The following PRKCE variants were observed in gnomAD, a reference collection of about 807,000 sequenced individuals.
The protein encoded by PRKCE is protein kinase C epsilon type.
A neutral mutation model predicts 85.4 loss-of-function variants in PRKCE; 16 were observed. The ratio of observed to expected loss-of-function variants is 0.19; its 90% CI spans 0.13 to 0.28. The LOEUF (loss-of-function observed/expected upper bound fraction) is 0.28. Ranked by LOEUF, PRKCE falls within the 10% of genes least tolerant of loss-of-function variation. PRKCE has a pLI of 1.00. For missense variants in PRKCE, 573 were observed against 975.2 expected (o/e 0.59, Z 5.49); for synonymous variants, 388 against 371.5 (o/e 1.04, Z -0.51).
At chr2:45,916,565 T>C (rs1172984326) in intron 2 of PRKCE, among the ~76,000 whole-genome samples, 1 of 152,234 alleles carries the variant, frequency 6.6e-6, no homozygotes, top group Non-Finnish European at 1.5e-5. Flanking sequence ...ATTTCTTATT[T>C]GGCAAAGTCT....
chr2:46,136,164 G>C (rs929461282), intron 11 of PRKCE, among the ~76,000 whole-genome samples: 13 of 152,084 alleles, frequency 8.5e-5, no homozygotes, highest in African/African-American at 3.1e-4. Context: ...TGTTATTTCT[G>C]CAGCACTCAG....
intron 2 of PRKCE, among the ~76,000 whole-genome samples, chr2:45,921,098 T>G (rs75750771): frequency 0.011 from 1,715 of 152,370 alleles, 22 homozygotes; most frequent in African/African-American, 0.039. Context: ...ATGAAATATT[T>G]TCACAAAATC....
rs554364672 is a variant in PRKCE at position 45,943,578 on chromosome 2, C to A, written c.413-32851C>A. Among the ~76,000 whole-genome samples, 4 of 152,374 alleles carry A rather than the reference C, an allele frequency of 2.6e-5. No individual in the cohort carries two copies. In the East Asian group the frequency reaches 7.7e-4, roughly 29 times the overall value. The stretch of plus-strand genomic sequence containing the variant: ...TGAGGTTACACATGCCAGAAACATG[C>A]CAGAATTCCTTCTTTCCAGAGCCTT... On this transcript the variant is annotated intron_variant, in intron 2 of 14. Coordinates refer to ENST00000306156, the MANE Select transcript of PRKCE (RefSeq NM_005400.3).
At chr2:45,952,113 A>G (rs1486463764) in intron 2 of PRKCE, among the ~76,000 whole-genome samples, 2 of 152,228 alleles carry the variant, frequency 1.3e-5, no homozygotes, top group African/African-American at 2.4e-5. Context: ...GATCACAGGC[A>G]TGAGCCACTG....
chr2:45,845,850 G>C (rs1173270026), intron 2 of PRKCE: 2 of 152,228 alleles, frequency 1.3e-5, no homozygotes, highest in Non-Finnish European at 2.9e-5. Flanking sequence ...GGTCAGGCTA[G>C]ATGACAGTTA....
intron 1 of PRKCE, among the ~76,000 whole-genome samples, chr2:45,690,132 T>C (rs13402273): frequency 0.025 from 3,749 of 152,340 alleles, 154 homozygotes; most frequent in African/African-American, 0.085. Flanking sequence ...TCTGCTTTCT[T>C]CTTCTGAAAG....
chr2:46,099,180 C>A (rs1299702717), intron 11 of PRKCE, among the ~76,000 whole-genome samples: 1 of 152,092 alleles, frequency 6.6e-6, no homozygotes, highest in Admixed American at 6.5e-5. Context: ...CAAGACATCC[C>A]CACTCTTCTG....
intron 5 of PRKCE, among the ~76,000 whole-genome samples, chr2:45,983,769 A>G (rs1558919498): frequency 6.6e-6 from 1 of 152,106 alleles, no homozygotes; most frequent in Middle Eastern, 3.4e-3. Flanking sequence ...ACCATTCTGT[A>G]TTAGCCATCT....
chr2:45,778,356 C>G (rs1685921255), intron 1 of PRKCE, among the ~76,000 whole-genome samples: 1 of 152,166 alleles, frequency 6.6e-6, no homozygotes, highest in South Asian at 2.1e-4. Context: ...GAGAACATGC[C>G]TGGCCGCTTA....
chr2:46,043,302 T>G (rs1429058557), intron 10 of PRKCE, among the ~76,000 whole-genome samples: 1 of 152,194 alleles, frequency 6.6e-6, no homozygotes, highest in Non-Finnish European at 1.5e-5. Flanking sequence ...TGAAATATGT[T>G]ATATAACTCA....
chr2:46,109,088 G>T (rs1672011575), intron 11 of PRKCE, among the ~76,000 whole-genome samples: 2 of 152,140 alleles, frequency 1.3e-5, no homozygotes, highest in Non-Finnish European at 2.9e-5. Context: ...ATGCTGTCTT[G>T]ATTACTATAG....
chr2:45,720,301 C>G (rs768301721), intron 1 of PRKCE, among the ~76,000 whole-genome samples: 1 of 152,084 alleles, frequency 6.6e-6, no homozygotes, highest in Non-Finnish European at 1.5e-5. Context: ...TCATTTCCAC[C>G]TATCGGTTGG....
At chr2:46,173,569 C>G (rs1679127928) in intron 14 of PRKCE, among the ~76,000 whole-genome samples, 1 of 152,230 alleles carries the variant, frequency 6.6e-6, no homozygotes, top group South Asian at 2.1e-4. Context: ...GGAGCAAGAG[C>G]CAGGAAGGGG....
intron 2 of PRKCE, among the ~76,000 whole-genome samples, chr2:45,937,936 G>T (rs1204817974): frequency 2.0e-5 from 3 of 152,188 alleles, no homozygotes; most frequent in African/African-American, 7.2e-5. Context: ...GCAGACTGCA[G>T]GTCTTGCTGG....
Position 46,137,866 on chromosome 2 carries a change from C to T in PRKCE, c.1593-7227C>T, listed in dbSNP as rs551954799. Among the ~76,000 whole-genome samples the T allele has an allele frequency of 2.0e-5, 3 of 152,228 alleles. 1 individual carries two copies. In the South Asian group the frequency reaches 6.2e-4, roughly 32 times the overall value. On this transcript the variant is annotated intron_variant, in intron 11 of 14. Transcript: ENST00000306156. ...AGCATATATCTTGATACGACATCTT[C>T]TTTGCATACCAGTTCTCCCTCAGTC...
intron 1 of PRKCE, among the ~76,000 whole-genome samples, chr2:45,771,865 G>T (rs2104920214): frequency 6.6e-6 from 1 of 152,222 alleles, no homozygotes; most frequent in Non-Finnish European, 1.5e-5. Context: ...GTTGGTTTGG[G>T]CAGGGATGGT....
intron 2 of PRKCE, among the ~76,000 whole-genome samples, chr2:45,849,534 T>G (rs955297395): frequency 6.6e-6 from 1 of 152,076 alleles, no homozygotes; most frequent in African/African-American, 2.4e-5. Flanking sequence ...ACTTGAGAGG[T>G]TAAGGAGAGC....
At chr2:45,869,168 TA>T (rs946172441) in intron 2 of PRKCE, among the ~76,000 whole-genome samples, 3 of 152,340 alleles carry the variant, frequency 2.0e-5, no homozygotes, top group African/African-American at 7.2e-5. Context: ...AAACAATCTG[TA>T]AAATATTTGG....
chr2:45,829,989 C>A (rs974752223), intron 1 of PRKCE, among the ~76,000 whole-genome samples: 1 of 144,766 alleles, frequency 6.9e-6, no homozygotes, highest in Non-Finnish European at 1.5e-5. Context: ...AGGAGAATGG[C>A]GTGAACCTGG....
Sources: allele counts gnomAD v4.1 joint callset (sites outside exome capture counted in the v4.1 genomes callset), GRCh38; gene constraint gnomAD v4.1.1; transcripts MANE v1.5; gene names NCBI Gene and HGNC (gene_info 2026-07-23, HGNC 2026-07-21).